ASAP1: variants seen among roughly 807,000 people sequenced by gnomAD.
ASAP1 encodes the protein ArfGAP with SH3 domain, ankyrin repeat and PH domain 1, also known as arf-GAP with SH3 domain, ANK repeat and PH domain-containing protein 1.
In ASAP1, 43 loss-of-function variants were observed where a neutral mutation model predicts 145.2. The observed-to-expected ratio is 0.30, with a 90% CI of 0.23 to 0.38. The LOEUF (loss-of-function observed/expected upper bound fraction) is 0.38. Ranked by LOEUF, ASAP1 falls within the 10% of genes least tolerant of loss-of-function variation. ASAP1 has a pLI of 1.00. For synonymous variants in ASAP1, 546 were observed against 515.5 expected (o/e 1.06, Z -0.80); for missense variants, 1,018 against 1,355.3 (o/e 0.75, Z 3.91).
chr8:130,359,524 G>C (rs1826596679), intron 2 of ASAP1, among the ~76,000 whole-genome samples: 1 of 152,036 alleles, frequency 6.6e-6, no homozygotes, highest in African/African-American at 2.4e-5. Flanking sequence ...GCCTTTGATA[G>C]CCTTAGGATG....
chr8:130,141,515 C>A (rs1278264776), intron 13 of ASAP1, among the ~76,000 whole-genome samples: 1 of 152,130 alleles, frequency 6.6e-6, no homozygotes, highest in African/African-American at 2.4e-5. Flanking sequence ...CTTTCTGGCT[C>A]TTAACACTCC....
At chr8:130,258,054 T>C (rs1819674190) in intron 3 of ASAP1, among the ~76,000 whole-genome samples, 1 of 152,196 alleles carries the variant, frequency 6.6e-6, no homozygotes, top group South Asian at 2.1e-4. Flanking sequence ...GCTTTTCCTA[T>C]AGAAGGCCCT....
intron 3 of ASAP1, among the ~76,000 whole-genome samples, chr8:130,276,744 T>G (rs1039332051): frequency 2.0e-5 from 3 of 150,286 alleles, no homozygotes; most frequent in Non-Finnish European, 4.4e-5. Flanking sequence ...TCTCTCTCTC[T>G]CTCTCTCTCT....
intron 3 of ASAP1, among the ~76,000 whole-genome samples, chr8:130,314,530 C>T (rs1823551678): frequency 6.6e-6 from 1 of 152,218 alleles, no homozygotes; most frequent in South Asian, 2.1e-4. Context: ...CCCAGAAATA[C>T]TAAGTGCTGT....
At chr8:130,359,318 A>G (rs1826580995) in intron 2 of ASAP1, among the ~76,000 whole-genome samples, 1 of 152,204 alleles carries the variant, frequency 6.6e-6, no homozygotes. Flanking sequence ...TTCGGTGGAA[A>G]AAGTACCACC....
intron 12 of ASAP1, among the ~76,000 whole-genome samples, chr8:130,155,055 G>T (rs2097655382): frequency 6.6e-6 from 1 of 152,214 alleles, no homozygotes; most frequent in African/African-American, 2.4e-5. Context: ...GCCAAAACCA[G>T]TGTCATCCTA....
At chr8:130,361,830 AG>A in intron 2 of ASAP1, 1 of 1,247,910 alleles carries the variant, frequency 8.0e-7, no homozygotes, top group Non-Finnish European at 1.1e-6. Context: ...CTTTGTGTGG[AG>A]CTGCCCCGAA....
chr8:130,376,131 CCTCT>C (rs1269758139), intron 2 of ASAP1, among the ~76,000 whole-genome samples: 1 of 152,212 alleles, frequency 6.6e-6, no homozygotes, highest in African/African-American at 2.4e-5. Flanking sequence ...TTGTTTCTCT[CCTCT>C]CTCTCTGGTT....
intron 1 of ASAP1, among the ~76,000 whole-genome samples, chr8:130,402,839 T>C (rs1828857075): frequency 6.6e-6 from 1 of 151,930 alleles, no homozygotes; most frequent in Admixed American, 6.6e-5. Flanking sequence ...TGCAGCTGCC[T>C]CCTAACTGAT....
At chr8:130,282,966 C>G (rs1821344170) in intron 3 of ASAP1, among the ~76,000 whole-genome samples, 1 of 152,134 alleles carries the variant, frequency 6.6e-6, no homozygotes, top group African/African-American at 2.4e-5. Context: ...CTGGCTTTTG[C>G]CAATTGGGAA....
chr8:130,345,737 C>G (rs931391125), intron 3 of ASAP1, among the ~76,000 whole-genome samples: 1 of 152,174 alleles, frequency 6.6e-6, no homozygotes, highest in African/African-American at 2.4e-5. Context: ...CCAAGAAAGC[C>G]AAGGCAGGCC....
chr8:130,205,401 C>A (rs73712888), intron 5 of ASAP1, among the ~76,000 whole-genome samples: 10,246 of 117,528 alleles, frequency 0.087, 981 homozygotes, highest in African/African-American at 0.26. Flanking sequence ...AAAAAAAAAA[C>A]AAAAACCATA....
At chr8:130,430,101 C>A (rs1201042260) in intron 1 of ASAP1, among the ~76,000 whole-genome samples, 1 of 152,170 alleles carries the variant, frequency 6.6e-6, no homozygotes, top group Non-Finnish European at 1.5e-5. Flanking sequence ...GCACCAGGGC[C>A]CCGATCCTTC....
At chr8:130,280,486 T>G (rs558766980) in intron 3 of ASAP1, among the ~76,000 whole-genome samples, 1 of 152,338 alleles carries the variant, frequency 6.6e-6, no homozygotes, top group East Asian at 1.9e-4. Context: ...TCTGCCACAG[T>G]AGAGAGCAGT....
chr8:130,174,905 G>C (rs1301034391), intron 9 of ASAP1, among the ~76,000 whole-genome samples: 2 of 152,178 alleles, frequency 1.3e-5, no homozygotes, highest in African/African-American at 4.8e-5. Context: ...TCAACTGATG[G>C]ATATCTGGGT....
At chr8:130,419,506 G>C (rs1262555531) in intron 1 of ASAP1, among the ~76,000 whole-genome samples, 1 of 152,116 alleles carries the variant, frequency 6.6e-6, no homozygotes, top group Non-Finnish European at 1.5e-5. Flanking sequence ...CCAGTCTTGG[G>C]GAGATGCCAA....
At chr8:130,406,912 C>G (rs1233643769) in intron 1 of ASAP1, among the ~76,000 whole-genome samples, 1 of 152,214 alleles carries the variant, frequency 6.6e-6, no homozygotes, top group Non-Finnish European at 1.5e-5. Flanking sequence ...TGAAGCCCAA[C>G]TTGTCCAGTC....
intron 3 of ASAP1, among the ~76,000 whole-genome samples, chr8:130,256,738 CTTATATATAT>C (rs1468507944): frequency 0.017 from 1,187 of 70,796 alleles, 33 homozygotes; most frequent in Middle Eastern, 0.094. Flanking sequence ...TATACACATT[CTTATATATAT>C]ATATATATAT....
rs149747020 is a variant in ASAP1 at position 130,104,308 on chromosome 8, T to C, written c.2401+7786A>G. On this transcript the variant is annotated intron_variant, in intron 24 of 29. Transcript: ENST00000518721. ...AAGAAATCAATGTACTTTATGTTCT[T>C]AGTTCCCAAAATTTAGCCTGAATCT... Among the ~76,000 whole-genome samples the C allele has an allele frequency of 2.0e-3, 309 of 152,386 alleles. 1 individual carries two copies. Among genetic ancestry groups the C allele is most frequent in the Non-Finnish European group, 3.5e-3 (236 of 68,044 alleles).
Sources: gnomAD v4.1 joint callset for allele counts (sites outside exome capture counted in the v4.1 genomes callset) on GRCh38, gnomAD v4.1.1 for gene constraint, MANE v1.5 for transcripts, NCBI Gene and HGNC (gene_info 2026-07-23, HGNC 2026-07-21) for gene names.